Variants in PHGDH observed in about 807,000 individuals in gnomAD.
PHGDH encodes the protein D-3-phosphoglycerate dehydrogenase.
In PHGDH, 50 loss-of-function variants were observed where a neutral mutation model predicts 52.6. The ratio of observed to expected loss-of-function variants is 0.95; its 90% confidence interval spans 0.76 to 1.20. The LOEUF is 1.20. PHGDH is among the 50% of genes most tolerant of loss of function. PHGDH has a pLI of 0.00. For missense variants in PHGDH, 630 were observed against 684.6 expected, an observed-to-expected ratio of 0.92 and a Z score of 0.89; for synonymous variants, 271 against 280.5, an observed-to-expected ratio of 0.97 and a Z score of 0.34.
At chr1:119,721,950 CG>C (rs2101156806) in intron 2 of PHGDH, among the ~76,000 whole-genome samples, 1 of 152,306 alleles carries the variant, frequency 6.6e-6, no homozygotes, top group Non-Finnish European at 1.5e-5. Context: ...GTACTGTACC[CG>C]TTCTGTCACT....
chr1:119,715,368 T>G (rs1314503081), intron 1 of PHGDH, among the ~76,000 whole-genome samples: 1 of 152,228 alleles, frequency 6.6e-6, no homozygotes. Context: ...GCCAAATTTC[T>G]TTTCAAATTT....
Position 119,741,700 on chromosome 1 carries a change from G to T in PHGDH, c.1079-67G>T, listed in dbSNP as rs1235274057. On this transcript the variant is annotated intron_variant, in intron 9 of 11. Coordinates refer to ENST00000641023, the MANE Select transcript of PHGDH (RefSeq NM_006623.4). ...CCATAGTCCAGAGCTAGGTGCCAGT[G>T]GCTTCCTGCCCCCTCCTGTAGTGCT... The T allele has an allele frequency of 1.9e-5, 28 of 1,462,160 alleles. No individual in the cohort carries two copies. The South Asian group carries it at 3.2e-4, about 17-fold the overall frequency. 90.6% of individuals were successfully genotyped at this position (1,462,160 alleles called of 1,614,324 possible). A position where few individuals can be genotyped will look rare whatever the true frequency, so the allele number is the denominator to read the frequency against.
intron 1 of PHGDH, among the ~76,000 whole-genome samples, chr1:119,719,159 T>TTGAATACCTCCAG (rs1651046080): frequency 6.6e-6 from 1 of 152,088 alleles, no homozygotes; most frequent in Non-Finnish European, 1.5e-5. Context: ...GCTCACCTGG[T>TTGAATACCTCCAG]GTTGGCCTCA....
rs754326499 is a variant in PHGDH at position 119,734,642 on chromosome 1, G to A, written c.519G>A (p.Gly173=). The A allele has an allele frequency of 1.6e-4, 256 of 1,614,014 alleles. 4 individuals are homozygous for A. The South Asian group carries it at 2.7e-3, about 17-fold the overall frequency. ...CTCTTGCTTCCAACCAGACTATAGG[G>A]TATGACCCCATCATTTCCCCAGAGG... The part of the protein sequence containing the change: ...RMQSFGMKTI[G]YDPIISPEVS... The change falls in exon 6 of 12, where the codon GGG becomes GGA. Residue 173 remains glycine (G), a synonymous_variant. Transcript: ENST00000641023.
chr1:119,740,678 G>A (rs1384885640), intron 9 of PHGDH, among the ~76,000 whole-genome samples, 160 bp downstream of exon 9: 1 of 152,192 alleles, frequency 6.6e-6, no homozygotes, highest in Non-Finnish European at 1.5e-5. Flanking sequence ...TGGTGGGAGG[G>A]TGGTAAAGGG....
At chr1:119,728,680 A>T (rs587596213) in intron 5 of PHGDH, among the ~76,000 whole-genome samples, 1 of 152,284 alleles carries the variant, frequency 6.6e-6, no homozygotes, top group South Asian at 2.1e-4. Flanking sequence ...CAGCTAAGAG[A>T]GGGGATCTGC....
At chr1:119,729,336 A>G (rs769131454) in intron 5 of PHGDH, among the ~76,000 whole-genome samples, 2 of 152,182 alleles carry the variant, frequency 1.3e-5, no homozygotes, top group Non-Finnish European at 2.9e-5. Context: ...GAGAATTTTG[A>G]TATAAAAGGC....
intron 10 of PHGDH, 105 bp downstream of exon 10, chr1:119,742,002 T>C (rs776722135): frequency 9.5e-6 from 9 of 948,422 alleles, no homozygotes; most frequent in Non-Finnish European, 1.3e-5. Context: ...GTCCCAGCCT[T>C]GCATCGGCCT....
At chr1:119,735,531 A>T in intron 7 of PHGDH, 88 bp downstream of exon 7, 2 of 1,308,582 alleles carry the variant, frequency 1.5e-6, no homozygotes, top group Non-Finnish European at 2.2e-6. Flanking sequence ...CGTTTTACAG[A>T]AAGCCTCTAG....
chr1:119,721,766 C>G (rs1439912819), intron 2 of PHGDH: 2 of 162,030 alleles, frequency 1.2e-5, no homozygotes, highest in African/African-American at 4.8e-5. Flanking sequence ...TACAGAGGCA[C>G]AACCTTTGCT....
At chr1:119,721,990 C>G (rs188928373) in intron 2 of PHGDH, among the ~76,000 whole-genome samples, 29 of 152,370 alleles carry the variant, frequency 1.9e-4, no homozygotes, top group African/African-American at 6.5e-4. Flanking sequence ...CATCCCCAGG[C>G]CTCTTTGTTC....
At position 119,712,021 on chromosome 1, in the gene PHGDH, C is replaced by T; in HGVS notation, c.-2C>T. 4 of 1,614,104 alleles carry T rather than the reference C, an allele frequency of 2.5e-6. No homozygotes were observed. The highest frequency in any genetic ancestry group is 3.4e-6 in the Non-Finnish European group (4 of 1,180,032). On this transcript the variant is annotated 5_prime_UTR_variant, in exon 1 of 12. Transcript: ENST00000641023. ...CGGCCGATTCCGAGGCCAACTCCAGCAATGGCTTTTGCAAATCTGCGGAAA... is the reference window on the plus strand; with the variant it reads ...CGGCCGATTCCGAGGCCAACTCCAGTAATGGCTTTTGCAAATCTGCGGAAA...
intron 1 of PHGDH, among the ~76,000 whole-genome samples, chr1:119,717,796 TTAGAAG>T (rs1650997295): frequency 6.6e-6 from 1 of 152,210 alleles, no homozygotes; most frequent in African/African-American, 2.4e-5. Context: ...TTGAGCACTC[TTAGAAG>T]TAGACCTTAT....
At chr1:119,727,494 C>T (rs193024852) in intron 5 of PHGDH, 16 of 309,798 alleles carry the variant, frequency 5.2e-5, no homozygotes, top group Non-Finnish European at 9.4e-5. Context: ...GTAGACAGTA[C>T]ACCTCGGGAG....
rs747086125 is a variant in PHGDH at position 119,727,090 on chromosome 1, C to T, written c.498C>T (p.Ser166=). 6.3e-7 allele frequency: 1 copy of T among 1,596,402 alleles called. No individual in the cohort carries two copies. Among genetic ancestry groups the T allele is most frequent in the African/African-American group, 1.3e-5 (1 of 74,728 alleles). The change falls in exon 5 of 12, where the codon TCC becomes TCT. Residue 166 remains serine, a synonymous_variant. Coordinates refer to ENST00000641023, the MANE Select transcript of PHGDH (RefSeq NM_006623.4). ...IGREVATRMQ[S]FGMKTIGYDP... ...GAGAGGTAGCTACCCGGATGCAGTC[C>T]TTTGGGATGAAGGTAAGATGTTGCT...
In PHGDH at chr1:119,737,130, G is replaced by A. The variant is rs375031910; in HGVS notation, c.809G>A (p.Arg270Gln). The A allele has an allele frequency of 1.5e-4, 241 of 1,614,040 alleles. No individual in the cohort carries two copies. Among genetic ancestry groups the A allele is most frequent in the Non-Finnish European group, 1.8e-4 (218 of 1,180,008 alleles). The change falls in exon 8 of 12, where the codon CGG (arginine) becomes CAG (glutamine). Residue 270 changes from arginine (R) to glutamine (Q), a missense_variant. Transcript: ENST00000641023. ...DVFTEEPPRD[R>Q]ALVDHENVIS... ...TCTGGGCAGGAGCCGCCACGGGACC[G>A]GGCCTTGGTGGACCATGAGAATGTC...
At chr1:119,723,086 G>T (rs1651246722) in intron 2 of PHGDH, among the ~76,000 whole-genome samples, 1 of 152,164 alleles carries the variant, frequency 6.6e-6, no homozygotes, top group South Asian at 2.1e-4. Context: ...ACACAAATCT[G>T]ATCATGTGAG....
At chr1:119,735,166 G>T in intron 6 of PHGDH, 129 bp from the exon 7 acceptor site, 1 of 1,215,706 alleles carries the variant, frequency 8.2e-7, no homozygotes, top group Non-Finnish European at 1.2e-6. Context: ...GAGCAAAGAG[G>T]CTGCCGTCCA....
At chr1:119,714,311 G>A (rs1650826751) in intron 1 of PHGDH, 1 of 152,078 alleles carries the variant, frequency 6.6e-6, no homozygotes, top group Non-Finnish European at 1.5e-5. Flanking sequence ...TTGTATTCTG[G>A]GCAGGCGGTC....
Sources: allele counts gnomAD v4.1 joint callset (sites outside exome capture counted in the v4.1 genomes callset), GRCh38; gene constraint gnomAD v4.1.1; transcripts MANE v1.5; gene names NCBI Gene and HGNC (gene_info 2026-07-23, HGNC 2026-07-21).